The following PTK2 variants were observed in gnomAD, a reference collection of about 807,000 sequenced individuals.
PTK2 encodes focal adhesion kinase 1.
A neutral mutation model predicts 150.1 loss-of-function variants in PTK2; 45 were observed. The observed-to-expected ratio is 0.30, with a 90% CI of 0.24 to 0.38. The LOEUF is 0.38. Ranked by LOEUF, PTK2 falls within the 10% of genes least tolerant of loss-of-function variation. PTK2 has a pLI of 1.00. For synonymous variants in PTK2, 432 were observed against 449.2 expected (o/e 0.96, Z 0.48); for missense variants, 919 against 1,307.3 (o/e 0.70, Z 4.58).
At chr8:140,730,782 G>A (rs575525853) in intron 22 of PTK2, among the ~76,000 whole-genome samples, 3 of 152,178 alleles carry the variant, frequency 2.0e-5, no homozygotes, top group African/African-American at 4.8e-5. Context: ...AGATAAAGCT[G>A]ATGTTCTTTT....
chr8:140,711,002 A>G (rs1481971942), intron 23 of PTK2, among the ~76,000 whole-genome samples: 1 of 152,180 alleles, frequency 6.6e-6, no homozygotes, highest in Non-Finnish European at 1.5e-5. Context: ...CAGTGGCACG[A>G]TCTCGGCTCA....
chr8:140,712,525 ATC>A (rs1340886644), intron 23 of PTK2, among the ~76,000 whole-genome samples: 2 of 152,218 alleles, frequency 1.3e-5, no homozygotes, highest in East Asian at 3.8e-4. Context: ...CAATGGTATC[ATC>A]TGTTACATTA....
intron 1 of PTK2, among the ~76,000 whole-genome samples, chr8:140,948,174 C>T (rs1043640200): frequency 6.6e-6 from 1 of 151,830 alleles, no homozygotes; most frequent in Non-Finnish European, 1.5e-5. Flanking sequence ...AAACAAATAC[C>T]GGAGAAAACA....
In PTK2 at chr8:140,951,896, T is replaced by TAA. The variant is rs11389319; in HGVS notation, c.-121-26149_-121-26148dup. ...CAAGACTCTATCTGCAAAGAAAAAT[T>TAA]AAAAAAAAAAAAATTTTTTTTTTTA... On this transcript the variant is annotated intron_variant, in intron 1 of 31. Transcript: ENST00000522684. 5.6e-3 allele frequency among the ~76,000 whole-genome samples: 818 copies of TAA among 146,016 alleles called. 8 individuals carry two copies. The highest frequency in any genetic ancestry group is 0.016 in the African/African-American group (639 of 39,516).
intron 26 of PTK2, among the ~76,000 whole-genome samples, chr8:140,699,704 C>A (rs536598771): frequency 6.6e-6 from 1 of 152,204 alleles, no homozygotes; most frequent in Non-Finnish European, 1.5e-5. Context: ...AATGCAAAAA[C>A]CAAACAAATG....
intron 1 of PTK2, among the ~76,000 whole-genome samples, chr8:140,970,856 A>C (rs996768346): frequency 7.4e-5 from 4 of 53,890 alleles, no homozygotes; most frequent in Non-Finnish European, 3.1e-4. Flanking sequence ...TCTGACTACA[A>C]CATGTCTGAC....
chr8:140,674,522 C>T (rs1428300045), intron 28 of PTK2, 118 bp from the exon 32 acceptor site: 2 of 841,396 alleles, frequency 2.4e-6, no homozygotes, highest in Non-Finnish European at 3.8e-6. Flanking sequence ...GGCAGATCAC[C>T]TGAGGTCAGG....
intron 16 of PTK2, among the ~76,000 whole-genome samples, chr8:140,754,460 T>C (rs894413134): frequency 4.6e-5 from 7 of 152,188 alleles, no homozygotes; most frequent in African/African-American, 9.7e-5. Context: ...GTAACAGGTA[T>C]ACGAGAAAAC....
At chr8:140,943,933 C>T (rs748272997) in intron 1 of PTK2, among the ~76,000 whole-genome samples, 2 of 152,092 alleles carry the variant, frequency 1.3e-5, no homozygotes, top group Non-Finnish European at 2.9e-5. Context: ...TTTATTGAGA[C>T]ACCTATCTTT....
intron 1 of PTK2, among the ~76,000 whole-genome samples, chr8:140,992,641 C>T (rs1460260859): frequency 7.2e-5 from 11 of 152,140 alleles, no homozygotes; most frequent in Non-Finnish European, 1.3e-4. Flanking sequence ...CTTACTGGAA[C>T]GTGTGCGTGA....
rs1263298555 is a variant in PTK2, at chr8:140,891,682, G to T, written c.-32-913C>A. 2.0e-5 allele frequency among the ~76,000 whole-genome samples: 3 copies of T among 152,310 alleles called. No homozygotes were observed. The East Asian group carries it at 5.8e-4, about 29-fold the overall frequency. On this transcript the variant is annotated intron_variant, in intron 2 of 31. Coordinates refer to ENST00000522684, the Ensembl canonical transcript of PTK2. Reference sequence around the variant, plus strand: ...ATCTTGGATTCTGGTGAGAAGGAAGGGTGGAGACTGTGTCAAACACTCTGC... The same window carrying T: ...ATCTTGGATTCTGGTGAGAAGGAAGTGTGGAGACTGTGTCAAACACTCTGC...
At chr8:140,723,250 T>C (rs1051010252) in intron 22 of PTK2, among the ~76,000 whole-genome samples, 1 of 152,256 alleles carries the variant, frequency 6.6e-6, no homozygotes, top group Non-Finnish European at 1.5e-5. Context: ...TAAGTATCAC[T>C]TGCATATTAT....
intron 2 of PTK2, among the ~76,000 whole-genome samples, chr8:140,907,819 T>C (rs1373679396): frequency 2.6e-5 from 4 of 152,290 alleles, no homozygotes; most frequent in South Asian, 4.1e-4. Context: ...GATACGTGTG[T>C]GTCCTAACTG....
At chr8:140,845,810 TATAACAGTCTG>T (rs1418611598) in intron 7 of PTK2, among the ~76,000 whole-genome samples, 3 of 152,182 alleles carry the variant, frequency 2.0e-5, no homozygotes, top group African/African-American at 7.2e-5. Flanking sequence ...TACAATCTAA[TATAACAGTCTG>T]ATGCACACAT....
chr8:140,995,706 G>A (rs936096020), intron 1 of PTK2, among the ~76,000 whole-genome samples: 4 of 151,820 alleles, frequency 2.6e-5, no homozygotes, highest in Non-Finnish European at 4.4e-5. Context: ...CTACTCAGGA[G>A]GCAGAAGGTT....
At chr8:140,963,465 CT>C (rs2100184116) in intron 1 of PTK2, among the ~76,000 whole-genome samples, 1 of 152,192 alleles carries the variant, frequency 6.6e-6, no homozygotes, top group African/African-American at 2.4e-5. Context: ...TCTCTCACCC[CT>C]AAGATCCCTG....
rs1008648940 is a variant in PTK2 at position 140,725,819 on chromosome 8, A to T, written c.2031-8110T>A. On this transcript the variant is annotated intron_variant, in intron 22 of 31. Coordinates refer to ENST00000522684, the Ensembl canonical transcript of PTK2. ...CTACCCATCAGCCACAATGTCTAGG[A>T]TATAATCTAACATTCCTTGATATAC... Among the ~76,000 whole-genome samples, 48 of 151,552 alleles carry T rather than the reference A, an allele frequency of 3.2e-4. No individual in the cohort carries two copies. The Middle Eastern group carries it at 0.01, about 32-fold the overall frequency.
intron 3 of PTK2, among the ~76,000 whole-genome samples, chr8:140,882,390 A>G (rs2100149691): frequency 6.6e-6 from 1 of 152,184 alleles, no homozygotes; most frequent in Non-Finnish European, 1.5e-5. Context: ...TGTCTCTAAA[A>G]GGATAATAGG....
intron 2 of PTK2, among the ~76,000 whole-genome samples, chr8:140,918,309 A>AT (rs2100166100): frequency 6.6e-6 from 1 of 152,156 alleles, no homozygotes; most frequent in Non-Finnish European, 1.5e-5. Flanking sequence ...TAACAACCAA[A>AT]TATCTGACAC....
Sources: allele counts gnomAD v4.1 joint callset (sites outside exome capture counted in the v4.1 genomes callset), GRCh38; gene constraint gnomAD v4.1.1; transcripts MANE v1.5; gene names NCBI Gene and HGNC (gene_info 2026-07-23, HGNC 2026-07-21).